LRRTM4: variants seen among roughly 807,000 people sequenced by gnomAD.
The protein encoded by LRRTM4 is leucine rich repeat transmembrane neuronal 4, also known as leucine-rich repeat transmembrane neuronal protein 4.
Under a neutral mutation model 47.6 loss-of-function variants are expected in LRRTM4, and 25 were observed. That is an observed-to-expected ratio of 0.53 (90% CI 0.38 to 0.73). The LOEUF (loss-of-function observed/expected upper bound fraction) is 0.73, where lower values mean the gene tolerates loss of function less well. Ranked by LOEUF, LRRTM4 falls within the 30% of genes least tolerant of loss-of-function variation. The pLI is 0.00. For synonymous variants in LRRTM4, 311 were observed against 269.5 expected (o/e 1.15, Z -1.51); for missense variants, 638 against 713.4 (o/e 0.89, Z 1.20).
intron 3 of LRRTM4, among the ~76,000 whole-genome samples, chr2:77,037,810 G>A (rs902413609): frequency 2.0e-5 from 3 of 151,660 alleles, no homozygotes; most frequent in African/African-American, 7.2e-5. Context: ...ATAATAGATT[G>A]CAAGTGCTCT....
intron 3 of LRRTM4, among the ~76,000 whole-genome samples, chr2:76,764,586 G>C (rs1673383802): frequency 1.3e-5 from 2 of 152,128 alleles, no homozygotes; most frequent in Admixed American, 1.3e-4. Context: ...AGCCGTGATA[G>C]AACTACTACA....
chr2:76,909,215 A>T lies in LRRTM4; in HGVS notation c.1552-160299T>A, dbSNP rs1234015631. On this transcript the variant is annotated intron_variant, in intron 3 of 3. Transcript: ENST00000409884. ...CTTATCTACAACTATCTGATCTTTGACAAACCTGAGAAAAACAAGCAATGG... is the reference window on the plus strand; with the variant it reads ...CTTATCTACAACTATCTGATCTTTGTCAAACCTGAGAAAAACAAGCAATGG... Among the ~76,000 whole-genome samples, 4 of 152,198 alleles carry T rather than the reference A, an allele frequency of 2.6e-5. 1 individual carries two copies. Among genetic ancestry groups the T allele is most frequent in the South Asian group, 2.1e-4 (1 of 4,836 alleles).
intron 3 of LRRTM4, among the ~76,000 whole-genome samples, chr2:77,442,752 C>CT (rs1675894782): frequency 6.6e-6 from 1 of 152,104 alleles, no homozygotes; most frequent in Non-Finnish European, 1.5e-5. Flanking sequence ...TTGCTGATAG[C>CT]ACTTGGTGTT....
intron 3 of LRRTM4, among the ~76,000 whole-genome samples, chr2:77,469,375 AG>A (rs933946762): frequency 6.7e-5 from 10 of 149,822 alleles, no homozygotes; most frequent in African/African-American, 2.4e-4. Context: ...AGAATGTGTC[AG>A]GGGGGCAGGA....
At chr2:77,087,691 T>TG (rs1329805473) in intron 3 of LRRTM4, among the ~76,000 whole-genome samples, 1 of 152,160 alleles carries the variant, frequency 6.6e-6, no homozygotes, top group East Asian at 1.9e-4. Context: ...TCAAATTCAT[T>TG]GGATGCATAC....
intron 3 of LRRTM4, among the ~76,000 whole-genome samples, chr2:77,171,765 A>C (rs997137601): frequency 1.3e-5 from 2 of 152,048 alleles, no homozygotes; most frequent in African/African-American, 4.8e-5. Context: ...GTATTTTTTA[A>C]ATGGCTTATA....
chr2:77,104,580 G>A (rs1170671059), intron 3 of LRRTM4, among the ~76,000 whole-genome samples: 1 of 152,078 alleles, frequency 6.6e-6, no homozygotes, highest in African/African-American at 2.4e-5. Context: ...TGATCAGATG[G>A]TGAAAAAATA....
chr2:76,954,602 G>T (rs918811219), intron 3 of LRRTM4, among the ~76,000 whole-genome samples: 4 of 151,746 alleles, frequency 2.6e-5, no homozygotes, highest in Admixed American at 1.3e-4. Context: ...GAAGAAGAGA[G>T]AAAGGGCCAG....
At chr2:77,114,030 G>T (rs1671322901) in intron 3 of LRRTM4, among the ~76,000 whole-genome samples, 1 of 152,104 alleles carries the variant, frequency 6.6e-6, no homozygotes, top group Admixed American at 6.5e-5. Flanking sequence ...AACATCATCA[G>T]GTGGGGGAGG....
intron 3 of LRRTM4, among the ~76,000 whole-genome samples, chr2:76,816,033 CTATT>C (rs1169620511): frequency 6.6e-6 from 1 of 151,942 alleles, no homozygotes; most frequent in Non-Finnish European, 1.5e-5. Flanking sequence ...ACTCATGTCT[CTATT>C]TAATCCTCCC....
intron 3 of LRRTM4, among the ~76,000 whole-genome samples, chr2:77,310,810 C>T (rs906820655): frequency 6.6e-6 from 1 of 152,072 alleles, no homozygotes; most frequent in Non-Finnish European, 1.5e-5. Flanking sequence ...CACTGCAGCA[C>T]TGGTAATAAT....
intron 3 of LRRTM4, among the ~76,000 whole-genome samples, chr2:77,360,511 C>T (rs376631766): frequency 1.3e-5 from 2 of 150,314 alleles, no homozygotes; most frequent in African/African-American, 4.9e-5. Context: ...CGATACGATA[C>T]GATACGATAC....
intron 3 of LRRTM4, among the ~76,000 whole-genome samples, chr2:77,337,618 C>A (rs1476822601): frequency 6.6e-6 from 1 of 152,170 alleles, no homozygotes; most frequent in South Asian, 2.1e-4. Flanking sequence ...TTCCTGCCAC[C>A]TTGTGAAGAA....
rs150429964 is a variant in LRRTM4, at chr2:77,134,772, A to T, written c.1551+383546T>A. ...ATATTCCAAATGCTATAGGTCTTTC[A>T]TGTGCAAAAAAAGGGGGGATATCTT... On this transcript the variant is annotated intron_variant, in intron 3 of 3. Transcript: ENST00000409884. Among the ~76,000 whole-genome samples, 150 of 152,270 alleles carry T rather than the reference A, an allele frequency of 9.9e-4. 1 individual carries two copies. The highest frequency in any genetic ancestry group is 6.8e-3 in the Middle Eastern group (2 of 294).
intron 3 of LRRTM4, among the ~76,000 whole-genome samples, chr2:76,911,109 A>T (rs1301174640): frequency 6.6e-6 from 1 of 152,196 alleles, no homozygotes; most frequent in Admixed American, 6.5e-5. Context: ...TATCTTTAAA[A>T]CATATTTTTT....
chr2:77,094,458 C>T (rs1360916601), intron 3 of LRRTM4, among the ~76,000 whole-genome samples: 1 of 151,712 alleles, frequency 6.6e-6, no homozygotes, highest in African/African-American at 2.4e-5. Context: ...CAGGAAAGAC[C>T]CCACATAGCC....
At chr2:76,809,878 C>A (rs1670678320) in intron 3 of LRRTM4, among the ~76,000 whole-genome samples, 1 of 152,196 alleles carries the variant, frequency 6.6e-6, no homozygotes, top group East Asian at 1.9e-4. Context: ...GGATGTTAGA[C>A]CTTTCCCAAG....
intron 3 of LRRTM4, among the ~76,000 whole-genome samples, chr2:77,081,294 A>AC: frequency 1.4e-5 from 2 of 147,526 alleles, no homozygotes; most frequent in African/African-American, 5.2e-5. Context: ...ACACACACAT[A>AC]AATTTGTTGG....
chr2:76,974,229 T>TATATATATACATATATATATACATAC, intron 3 of LRRTM4, among the ~76,000 whole-genome samples: 1 of 101,746 alleles, frequency 9.8e-6, no homozygotes, highest in Non-Finnish European at 2.0e-5. Context: ...TATACATACA[T>TATATATATACATATATATATACATAC]ATATATATAT....
Sources: allele counts gnomAD v4.1 joint callset (sites outside exome capture counted in the v4.1 genomes callset), GRCh38; gene constraint gnomAD v4.1.1; transcripts MANE v1.5; gene names NCBI Gene and HGNC (gene_info 2026-07-23, HGNC 2026-07-21).